The following LARP1B variants were observed in gnomAD, a reference collection of about 807,000 sequenced individuals.
LARP1B encodes La ribonucleoprotein 1B.
Under a neutral mutation model 114.2 loss-of-function variants are expected in LARP1B, and 76 were observed. The ratio of observed to expected loss-of-function variants is 0.67; its 90% CI spans 0.55 to 0.81. LARP1B has a LOEUF of 0.81. Ranked by LOEUF, LARP1B falls within the 30% of genes least tolerant of loss-of-function variation. LARP1B has a pLI of 0.00. For synonymous variants in LARP1B, 345 were observed against 348.0 expected, an observed-to-expected ratio of 0.99 and a Z score of 0.10; for missense variants, 1,014 against 1,075.8, an observed-to-expected ratio of 0.94 and a Z score of 0.80.
intron 15 of LARP1B, among the ~76,000 whole-genome samples, chr4:128,183,941 A>T (rs552960311): frequency 1.3e-5 from 2 of 152,348 alleles, no homozygotes; most frequent in South Asian, 2.1e-4. Context: ...TAGCAAGAGA[A>T]GTAGAATTAG....
chr4:128,139,522 TAAAATA>T (rs1386810789), intron 11 of LARP1B, among the ~76,000 whole-genome samples: 1 of 151,196 alleles, frequency 6.6e-6, no homozygotes, highest in Non-Finnish European at 1.5e-5. Context: ...GCCCATCTCT[TAAAATA>T]GAAGAAAAGA....
intron 11 of LARP1B, among the ~76,000 whole-genome samples, chr4:128,144,107 T>C (rs950806280): frequency 4.0e-5 from 6 of 151,700 alleles, no homozygotes; most frequent in South Asian, 2.1e-4. Flanking sequence ...GCCAGTAGCA[T>C]CCCCCCACCC....
chr4:128,168,688 A>G (rs945687113), intron 12 of LARP1B, among the ~76,000 whole-genome samples: 2 of 151,078 alleles, frequency 1.3e-5, no homozygotes, highest in African/African-American at 2.4e-5. Context: ...TAGTTATTAT[A>G]TTATCCTTTT....
intron 5 of LARP1B, among the ~76,000 whole-genome samples, chr4:128,083,616 G>C (rs1401492875): frequency 6.8e-6 from 1 of 147,434 alleles, no homozygotes; most frequent in African/African-American, 2.5e-5. Context: ...CTGGCCGGGC[G>C]GGGTGCTGAC....
At chr4:128,110,055 C>T (rs1783507668) in intron 9 of LARP1B, among the ~76,000 whole-genome samples, 2 of 152,042 alleles carry the variant, frequency 1.3e-5, no homozygotes, top group Non-Finnish European at 2.9e-5. Context: ...AGGTGTGTGC[C>T]ACCACGCTTG....
intron 9 of LARP1B, among the ~76,000 whole-genome samples, chr4:128,110,970 G>T (rs1414716850): frequency 6.6e-6 from 1 of 151,928 alleles, no homozygotes; most frequent in East Asian, 1.9e-4. Flanking sequence ...CAGCTACTTG[G>T]GAGGTTAAGT....
intron 7 of LARP1B, among the ~76,000 whole-genome samples, chr4:128,097,596 C>T (rs140376351): frequency 7.6e-4 from 116 of 152,268 alleles, no homozygotes; most frequent in African/African-American, 2.7e-3. Context: ...CATCAGCCAC[C>T]GCGCCTGGCC....
chr4:128,166,514 TG>T (rs1438023321), intron 12 of LARP1B, among the ~76,000 whole-genome samples: 1 of 151,928 alleles, frequency 6.6e-6, no homozygotes, highest in African/African-American at 2.4e-5. Context: ...ATATATATAG[TG>T]TAATGGTTAC....
chr4:128,222,379 A>G (rs74738254), exon 8 of LARP1B: 10,111 of 456,586 alleles, frequency 0.022, 273 homozygotes, highest in East Asian at 0.11. Flanking sequence ...TCTGCTCATC[A>G]TAAACATCTA....
intron 1 of LARP1B, among the ~76,000 whole-genome samples, chr4:128,072,696 A>G (rs1479636932): frequency 6.6e-6 from 1 of 151,984 alleles, no homozygotes; most frequent in Non-Finnish European, 1.5e-5. Context: ...AGCTGGGATT[A>G]CAGGCATGCG....
chr4:128,105,335 T>A, intron 8 of LARP1B, among the ~76,000 whole-genome samples: 1 of 152,212 alleles, frequency 6.6e-6, no homozygotes. Context: ...TGTCTCTGAG[T>A]TCTTTTCATT....
chr4:128,132,447 T>C (rs997315889), intron 11 of LARP1B, among the ~76,000 whole-genome samples: 9 of 152,112 alleles, frequency 5.9e-5, no homozygotes, highest in Non-Finnish European at 1.0e-4. Flanking sequence ...AATTTCACCA[T>C]GTTGGCCAGG....
chr4:128,216,557 C>T (rs919299662), downstream of LARP1B, among the ~76,000 whole-genome samples: 74 of 149,702 alleles, frequency 4.9e-4, no homozygotes, highest in African/African-American at 1.6e-3. Context: ...GGGTACATAA[C>T]GAAATGAAGG....
chr4:128,116,545 G>C (rs918891482), intron 10 of LARP1B, among the ~76,000 whole-genome samples: 1 of 152,156 alleles, frequency 6.6e-6, no homozygotes, highest in Non-Finnish European at 1.5e-5. Flanking sequence ...ATTGGTTCTG[G>C]TAGCTGGTTT....
intron 11 of LARP1B, among the ~76,000 whole-genome samples, chr4:128,124,848 G>C (rs1259478301): frequency 2.0e-5 from 3 of 152,142 alleles, no homozygotes; most frequent in African/African-American, 7.2e-5. Flanking sequence ...TCAAAAGCTG[G>C]CTCTAAGAGA....
At chr4:128,117,681 G>A (rs1235031643) in intron 10 of LARP1B, among the ~76,000 whole-genome samples, 1 of 151,768 alleles carries the variant, frequency 6.6e-6, no homozygotes, top group Non-Finnish European at 1.5e-5. Context: ...ACTGCACCTG[G>A]CCTAATTTTT....
chr4:128,075,648 G>A (rs925139280), intron 3 of LARP1B, among the ~76,000 whole-genome samples: 2 of 151,500 alleles, frequency 1.3e-5, no homozygotes, highest in Non-Finnish European at 2.9e-5. Flanking sequence ...TCCAGGCTCA[G>A]GTGATCCTCC....
At chr4:128,122,454 G>C in intron 11 of LARP1B, 1 of 1,416,550 alleles carries the variant, frequency 7.1e-7, no homozygotes, top group Non-Finnish European at 9.3e-7. Context: ...TTTTTTTTTT[G>C]TTTTGTTTTT....
intron 12 of LARP1B, among the ~76,000 whole-genome samples, chr4:128,167,815 T>TTGTTTTC (rs1741798118): frequency 6.6e-6 from 1 of 152,108 alleles, no homozygotes; most frequent in Non-Finnish European, 1.5e-5. Flanking sequence ...TTTTGGCAGT[T>TTGTTTTC]TGTTTTCTAT....
Sources: gnomAD v4.1 joint callset for allele counts (sites outside exome capture counted in the v4.1 genomes callset) on GRCh38, gnomAD v4.1.1 for gene constraint, MANE v1.5 for transcripts, NCBI Gene and HGNC (gene_info 2026-07-23, HGNC 2026-07-21) for gene names.